Variants in DMC1 observed in about 807,000 individuals in gnomAD.
DMC1 encodes the protein DNA meiotic recombinase 1, also known as meiotic recombination protein DMC1 homolog.
DMC1 carries 27 observed loss-of-function variants against 50.1 expected under a neutral mutation model. The observed-to-expected ratio is 0.54, with a 90% CI of 0.40 to 0.74. The LOEUF (loss-of-function observed/expected upper bound fraction) is 0.74, where lower values mean the gene tolerates loss of function less well. Among genes scored for constraint, DMC1 ranks in the 30% least tolerant of loss-of-function variants. The pLI, the probability that DMC1 is intolerant of heterozygous loss-of-function variation, is 0.00. For synonymous variants in DMC1, 148 were observed against 136.1 expected (o/e 1.09, Z -0.61); for missense variants, 295 against 420.2 (o/e 0.70, Z 2.60).
At chr22:38,523,335 CACTTA>C (rs1602711304) in intron 12 of DMC1, among the ~76,000 whole-genome samples, 1 of 152,104 alleles carries the variant, frequency 6.6e-6, no homozygotes, top group Admixed American at 6.5e-5. Context: ...AGATCGATGC[CACTTA>C]ACTTTTCAGG....
chr22:38,535,298 C>CAA (rs1213663157), intron 12 of DMC1, among the ~76,000 whole-genome samples: 6 of 96,230 alleles, frequency 6.2e-5, no homozygotes, highest in Admixed American at 1.1e-4. Flanking sequence ...GACTCCGTCT[C>CAA]AAAAAAAAAA....
intron 8 of DMC1, chr22:38,545,734 AT>A (rs2090336969): frequency 6.6e-6 from 1 of 152,170 alleles, no homozygotes; most frequent in Admixed American, 6.5e-5. Flanking sequence ...ACAATTTAAA[AT>A]GAAAAAACTT....
intron 12 of DMC1, among the ~76,000 whole-genome samples, chr22:38,530,549 G>A (rs2090142033): frequency 6.6e-6 from 1 of 152,084 alleles, no homozygotes; most frequent in Admixed American, 6.6e-5. Context: ...GTCCAAGGAG[G>A]CTGTGAGTTA....
At position 38,563,886 on chromosome 22, in the gene DMC1, G is replaced by C. The variant is rs183264059; in HGVS notation, c.244-1517C>G. Among the ~76,000 whole-genome samples, 184 of 152,178 alleles carry C rather than the reference G, an allele frequency of 1.2e-3. 1 individual carries two copies. The highest frequency in any genetic ancestry group is 4.3e-3 in the African/African-American group (177 of 41,522). On this transcript the variant is annotated intron_variant, in intron 4 of 13. Coordinates refer to ENST00000216024, the MANE Select transcript of DMC1 (RefSeq NM_007068.4). ...GGCTAATATTTTTGTATTTTTAGTA[G>C]AGACAGGGTTTCACTGTGTTAGCCA...
intron 12 of DMC1, among the ~76,000 whole-genome samples, chr22:38,529,209 C>T (rs901382635): frequency 1.3e-5 from 2 of 152,002 alleles, no homozygotes; most frequent in Non-Finnish European, 2.9e-5. Context: ...CGGGGTTTCA[C>T]CATCTTGGCC....
downstream of DMC1, among the ~76,000 whole-genome samples, chr22:38,515,270 G>T (rs1490581990): frequency 6.7e-6 from 1 of 149,678 alleles, no homozygotes; most frequent in Non-Finnish European, 1.5e-5. Flanking sequence ...CTGAGGTCAG[G>T]AGTTCAAGAC....
intron 12 of DMC1, among the ~76,000 whole-genome samples, chr22:38,533,395 CAAAAAAA>C (rs1296043692): frequency 5.2e-5 from 2 of 38,486 alleles, no homozygotes; most frequent in African/African-American, 8.0e-5. Context: ...GACTCCATCA[CAAAAAAA>C]AAAAAAAAAA....
intron 5 of DMC1, among the ~76,000 whole-genome samples, chr22:38,560,349 T>C (rs1034957554): frequency 6.6e-5 from 10 of 152,138 alleles, no homozygotes; most frequent in African/African-American, 2.2e-4. Context: ...GAGGTCACTA[T>C]GGCTGGTACA....
intron 6 of DMC1, among the ~76,000 whole-genome samples, 177 bp from the exon 7 acceptor site, chr22:38,552,884 C>G (rs574557507): frequency 2.2e-4 from 33 of 151,390 alleles, no homozygotes; most frequent in African/African-American, 6.8e-4. Flanking sequence ...GAGTCTTGCT[C>G]TCACTCAGGC....
chr22:38,515,910 C>G (rs1465548866), downstream of DMC1, among the ~76,000 whole-genome samples: 1 of 152,116 alleles, frequency 6.6e-6, no homozygotes, highest in Non-Finnish European at 1.5e-5. Context: ...GGATTAGGAC[C>G]CTTTTCTGGT....
intron 12 of DMC1, among the ~76,000 whole-genome samples, chr22:38,533,208 C>T (rs1373954626): frequency 1.3e-5 from 2 of 151,444 alleles, no homozygotes; most frequent in African/African-American, 2.4e-5. Context: ...CTGGCTAACA[C>T]GGTGAAACCC....
At chr22:38,532,290 A>T (rs2090161258) in intron 12 of DMC1, among the ~76,000 whole-genome samples, 1 of 151,616 alleles carries the variant, frequency 6.6e-6, no homozygotes, top group Non-Finnish European at 1.5e-5. Context: ...TAAAATTTTG[A>T]GTTGAATGGA....
chr22:38,536,776 A>C (rs1158968429), intron 12 of DMC1, among the ~76,000 whole-genome samples: 1 of 152,198 alleles, frequency 6.6e-6, no homozygotes, highest in Admixed American at 6.6e-5. Context: ...GCTTTATTCT[A>C]TAAAGAACTA....
chr22:38,546,701 G>A (rs2090348003), intron 8 of DMC1, among the ~76,000 whole-genome samples: 1 of 152,168 alleles, frequency 6.6e-6, no homozygotes, highest in African/African-American at 2.4e-5. Context: ...TTTCTAAATT[G>A]AGTAATTAGG....
intron 12 of DMC1, among the ~76,000 whole-genome samples, chr22:38,533,181 A>G (rs2090172155): frequency 6.6e-6 from 1 of 151,894 alleles, no homozygotes; most frequent in Admixed American, 6.6e-5. Flanking sequence ...TCACGAGGTC[A>G]GGAGATCGAG....
At chr22:38,540,622 C>G (rs2090270492) in intron 8 of DMC1, among the ~76,000 whole-genome samples, 1 of 152,060 alleles carries the variant, frequency 6.6e-6, no homozygotes, top group African/African-American at 2.4e-5. Context: ...CATTTATAAT[C>G]TTATTTGTGA....
At chr22:38,547,675 A>T (rs996674809) in intron 8 of DMC1, among the ~76,000 whole-genome samples, 10 of 151,944 alleles carry the variant, frequency 6.6e-5, no homozygotes, top group Admixed American at 1.3e-4. Context: ...GAGTAGCTGG[A>T]AATACAGGCA....
intron 8 of DMC1, among the ~76,000 whole-genome samples, chr22:38,544,864 C>T (rs2090326445): frequency 6.6e-6 from 1 of 151,526 alleles, no homozygotes; most frequent in African/African-American, 2.4e-5. Context: ...AATCTCCTGA[C>T]CTTGTGATCT....
intron 5 of DMC1, among the ~76,000 whole-genome samples, chr22:38,561,890 TCTC>T (rs1489973681): frequency 1.3e-5 from 2 of 152,126 alleles, no homozygotes; most frequent in Non-Finnish European, 2.9e-5. Context: ...TGTTAAAACT[TCTC>T]CTGCAGAAGA....
Sources: allele counts gnomAD v4.1 joint callset (sites outside exome capture counted in the v4.1 genomes callset), GRCh38; gene constraint gnomAD v4.1.1; transcripts MANE v1.5; gene names NCBI Gene and HGNC (gene_info 2026-07-23, HGNC 2026-07-21).